The following DBH variants were observed in gnomAD, a reference collection of about 807,000 sequenced individuals.
The protein encoded by DBH is dopamine beta-hydroxylase (dopamine beta-monooxygenase).
Under a neutral mutation model 64.0 loss-of-function variants are expected in DBH, and 49 were observed. That is an observed-to-expected ratio of 0.77 (90% confidence interval 0.61 to 0.97). DBH has a LOEUF of 0.97. Ranked by LOEUF, DBH falls within the 50% of genes least tolerant of loss-of-function variation. The pLI, the probability that DBH is intolerant of heterozygous loss-of-function variation, is 0.00. For missense variants in DBH, 828 were observed against 826.6 expected (o/e 1.00, Z -0.02); for synonymous variants, 343 against 347.1 (o/e 0.99, Z 0.13).
Position 133,651,651 on chromosome 9 carries a change from G to A in DBH, c.1209G>A (p.Gly403=). 1.2e-6 allele frequency: 2 copies of A among 1,613,762 alleles called. No homozygotes were observed. The highest frequency in any genetic ancestry group is 1.7e-6 in the Non-Finnish European group (2 of 1,179,994). ...CCCCACAGGCACTGCCTCCCTCCGG[G>A]ATCCACATCTTCGCCTCTCAGCTCC... ...KCTQLALPPS[G]IHIFASQLHT... The change falls in exon 7 of 12, where the codon GGG becomes GGA. Residue 403 remains glycine, a synonymous_variant. Transcript: ENST00000393056.
intron 5 of DBH, among the ~76,000 whole-genome samples, chr9:133,647,597 C>G (rs1832196764): frequency 6.6e-6 from 1 of 152,214 alleles, no homozygotes; most frequent in Non-Finnish European, 1.5e-5. Context: ...TTCATAGAAA[C>G]AGCAGCTCTT....
intron 11 of DBH, among the ~76,000 whole-genome samples, chr9:133,658,030 C>A (rs1017462165): frequency 6.6e-6 from 1 of 152,060 alleles, no homozygotes. Flanking sequence ...CAGCCAGGGG[C>A]TCTGGTTGCT....
In DBH at chr9:133,643,810, G is replaced by A. The variant is rs1611122; in HGVS notation, c.921+221G>A. Among the ~76,000 whole-genome samples, 1 of 152,032 alleles carries A rather than the reference G, an allele frequency of 6.6e-6. No individual in the cohort carries two copies. The highest frequency in any genetic ancestry group is 1.5e-5 in the Non-Finnish European group (1 of 68,002). ...TATTTTCCACAGAAACGCAAGTGCC[G>A]CAGGACCTTATGCCCTCAGTGGGTC... On this transcript the variant is annotated intron_variant, in intron 4 of 11. Coordinates refer to ENST00000393056, the MANE Select transcript of DBH (RefSeq NM_000787.4). This position sits in a 1 kb window ranked among gnomAD's most constrained non-coding sequence, Gnocchi z 5.3.
intron 6 of DBH, among the ~76,000 whole-genome samples, chr9:133,650,551 C>CTTTTTTTTTT (rs5901024): frequency 8.9e-6 from 1 of 112,390 alleles, no homozygotes. Flanking sequence ...TCCTTCCTTT[C>CTTTTTTTTTT]TTTTTTTTTT....
rs777841494 is a variant in DBH at position 133,657,163 on chromosome 9, G to T, written c.1656G>T (p.Leu552=). 8 of 1,614,010 alleles carry T rather than the reference G, an allele frequency of 5.0e-6. No homozygotes were observed. Among genetic ancestry groups the T allele is most frequent in the Non-Finnish European group, 6.8e-6 (8 of 1,180,040 alleles). Residue 552 remains leucine (L), a synonymous_variant, in exon 11 of 12, where the codon CTG becomes CTT. Transcript: ENST00000393056. ...VPWNSFNRDV[L]KALYSFAPIS... is the part of the protein sequence containing the mutation. ...GGAACTCCTTCAACCGCGACGTACT[G>T]AAGGCCCTGTACAGCTTCGCGCCCA...
Position 133,643,427 on chromosome 9 carries a change from C to T in DBH, c.759C>T (p.Val253=), listed in dbSNP as rs759765146. ...RHHIIKYEPI[V]TKGNEALVHH... ...CCTCCTCACAGTACGAGCCCATCGTCACCAAGGGCAATGAGGCCCTTGTCC... is the reference window on the plus strand; with the variant it reads ...CCTCCTCACAGTACGAGCCCATCGTTACCAAGGGCAATGAGGCCCTTGTCC... The change falls in exon 4 of 12, where the codon GTC becomes GTT. Residue 253 remains valine (V), a synonymous_variant. Transcript: ENST00000393056. The surrounding 1 kb of genome is among the most constrained non-coding windows in gnomAD (Gnocchi z 5.3). 6.2e-7 allele frequency: 1 copy of T among 1,613,920 alleles called. No homozygotes were observed. The highest frequency in any genetic ancestry group is 1.1e-5 in the South Asian group (1 of 91,068).
At position 133,657,205 on chromosome 9, in the gene DBH, C is replaced by G. The variant is rs1832334715; in HGVS notation, c.1698C>G (p.Asn566Lys). 1 of 1,614,132 alleles carries G rather than the reference C, an allele frequency of 6.2e-7. No homozygotes were observed. ...YSFAPISMHC[N>K]KSSAVRFQGE... ...TCGCGCCCATCTCCATGCACTGCAA[C>G]AAGTCCTCAGCCGTCCGCTTCCAGG... The change falls in exon 11 of 12, where the codon AAC (asparagine) becomes AAG (lysine). Residue 566 changes from asparagine (N) to lysine (K), a missense_variant. Asn to Lys is a moderately conservative substitution (Grantham distance 94). Coordinates refer to ENST00000393056, the MANE Select transcript of DBH (RefSeq NM_000787.4).
At chr9:133,636,862 C>T (rs898822064) in intron 1 of DBH, 152 bp downstream of exon 1, 13 of 780,608 alleles carry the variant, frequency 1.7e-5, no homozygotes, top group Admixed American at 4.0e-5. Flanking sequence ...GTCTGCACCC[C>T]GAGCTTGGGC....
chr9:133,650,276 C>T (rs778601684), intron 6 of DBH, among the ~76,000 whole-genome samples: 2 of 152,138 alleles, frequency 1.3e-5, no homozygotes, highest in Non-Finnish European at 2.9e-5. Context: ...AAAGCTCGGC[C>T]ATCTGGGACC....
At position 133,636,597 on chromosome 9, in the gene DBH, C is replaced by G; in HGVS notation, c.226C>G (p.Leu76Val). ...SYTQEAIHFQ[L>V]LVRRLKAGVL... is the part of the protein sequence containing the mutation. ...CACCCAGGAGGCCATCCATTTCCAG[C>G]TCCTGGTGCGGAGGCTCAAGGCTGG... Residue 76 changes from leucine to valine, a missense_variant, in exon 1 of 12, where the codon CTC becomes GTC. Leu to Val is a conservative substitution (Grantham distance 32). Transcript: ENST00000393056. 2 of 1,613,820 alleles carry G rather than the reference C, an allele frequency of 1.2e-6. No individual in the cohort carries two copies. Among genetic ancestry groups the G allele is most frequent in the Non-Finnish European group, 1.7e-6 (2 of 1,180,016 alleles).
At chr9:133,655,337 G>A (rs1832302873) in intron 9 of DBH, 1 of 152,260 alleles carries the variant, frequency 6.6e-6, no homozygotes, top group African/African-American at 2.4e-5. Context: ...TTCTACACAG[G>A]GTCGGACTCA....
intron 5 of DBH, among the ~76,000 whole-genome samples, chr9:133,646,609 C>T (rs145611617): frequency 1.7e-4 from 26 of 152,302 alleles, no homozygotes; most frequent in African/African-American, 4.1e-4. Flanking sequence ...ATGCAACCTC[C>T]GCCTCCCAGG....
chr9:133,646,271 G>T (rs1457176254), intron 5 of DBH, among the ~76,000 whole-genome samples: 2 of 151,792 alleles, frequency 1.3e-5, no homozygotes, highest in South Asian at 4.2e-4. Flanking sequence ...TCCCTTTCCT[G>T]TACATAACCC....
At position 133,644,240 on chromosome 9, in the gene DBH, C is replaced by T; in HGVS notation, c.944C>T (p.Ala315Val). 6.2e-7 allele frequency: 1 copy of T among 1,614,156 alleles called. No homozygotes were observed. The highest frequency in any genetic ancestry group is 8.5e-7 in the Non-Finnish European group (1 of 1,179,972). Reference protein sequence around the residue: ...GAKAFYYPEEAGLAFGGPGSS... With the variant: ...GAKAFYYPEEVGLAFGGPGSS... The stretch of plus-strand genomic sequence containing the variant: ...CAGGCATTTTACTACCCAGAGGAAG[C>T]CGGCCTTGCCTTCGGGGGTCCAGGG... Residue 315 changes from alanine (A) to valine (V), a missense_variant, in exon 5 of 12, where the codon GCC (alanine) becomes GTC (valine). Ala to Val is a moderately conservative substitution (Grantham distance 64). Transcript: ENST00000393056.
chr9:133,645,144 G>A (rs1832168004), intron 5 of DBH, among the ~76,000 whole-genome samples: 1 of 152,184 alleles, frequency 6.6e-6, no homozygotes, highest in East Asian at 1.9e-4. Context: ...CCCGCTGCCT[G>A]TTCTCCCACC....
intron 3 of DBH, 96 bp downstream of exon 3, chr9:133,642,560 T>C (rs928889905): frequency 6.9e-7 from 1 of 1,453,744 alleles, no homozygotes; most frequent in Non-Finnish European, 9.3e-7. Flanking sequence ...ACAGTCCTGG[T>C]TGGACCAGGT....
At chr9:133,646,168 ATTG>A (rs933989342) in intron 5 of DBH, among the ~76,000 whole-genome samples, 22 of 149,828 alleles carry the variant, frequency 1.5e-4, no homozygotes, top group African/African-American at 5.2e-4. Flanking sequence ...TTTTTTTTTC[ATTG>A]TTGTTTGTTT....
At chr9:133,657,433 GGAGAGAGAGGA>G (rs1314112087) in intron 11 of DBH, 2 of 467,732 alleles carry the variant, frequency 4.3e-6, no homozygotes, top group African/African-American at 2.4e-5. Context: ...AGGAGAGAGA[GGAGAGAGAGGA>G]GAGAGAGGAG....
intron 9 of DBH, among the ~76,000 whole-genome samples, chr9:133,653,388 G>A (rs1316393433): frequency 6.6e-6 from 1 of 152,162 alleles, no homozygotes; most frequent in Non-Finnish European, 1.5e-5. Flanking sequence ...AGCTCAAGGT[G>A]CACCAGGGAG....
Sources: allele counts gnomAD v4.1 joint callset (sites outside exome capture counted in the v4.1 genomes callset), GRCh38; gene constraint gnomAD v4.1.1; non-coding constraint Gnocchi (gnomAD v3.1); transcripts MANE v1.5; gene names NCBI Gene and HGNC (gene_info 2026-07-23, HGNC 2026-07-21).